RBPMS: variants seen among roughly 807,000 people sequenced by gnomAD.
The protein encoded by RBPMS is RNA binding protein, mRNA processing factor.
In RBPMS, 7 loss-of-function variants were observed where a neutral mutation model predicts 26.8. That is an observed-to-expected ratio of 0.26 (90% CI 0.15 to 0.49). RBPMS has a LOEUF of 0.49. Ranked by LOEUF, RBPMS falls within the 20% of genes least tolerant of loss-of-function variation. The pLI is 0.98. For missense variants in RBPMS, 186 were observed against 250.0 expected, an observed-to-expected ratio of 0.74 and a Z score of 1.73; for synonymous variants, 96 against 93.3, an observed-to-expected ratio of 1.03 and a Z score of -0.17.
At chr8:30,532,532 T>G (rs1027864248) in intron 5 of RBPMS, among the ~76,000 whole-genome samples, 2 of 152,196 alleles carry the variant, frequency 1.3e-5, no homozygotes, top group Non-Finnish European at 2.9e-5. Flanking sequence ...TGGCAGAGAT[T>G]AGGTAAGTTA....
At position 30,555,913 on chromosome 8, in the gene RBPMS, C is replaced by G. The variant is rs558441286; in HGVS notation, c.529-2974C>G. ...TAGCGCGGAGCAGCTTGTTCCCCCC[C>G]ACCGGGCCGGCTGCCCGAACTCTGC... On this transcript the variant is annotated intron_variant, in intron 6 of 8. Coordinates refer to ENST00000397323, the MANE Select transcript of RBPMS (RefSeq NM_001008710.3). 1.4e-4 allele frequency: 140 copies of G among 984,644 alleles called. 1 individual carries two copies. The highest frequency in any genetic ancestry group is 1.2e-4 in the Admixed American group (2 of 16,242). 61.0% of individuals were successfully genotyped at this position (984,644 alleles called of 1,614,324 possible).
intron 1 of RBPMS, among the ~76,000 whole-genome samples, chr8:30,448,374 A>T (rs1814129358): frequency 6.6e-6 from 1 of 152,160 alleles, no homozygotes; most frequent in Non-Finnish European, 1.5e-5. Context: ...GATGCATTCC[A>T]AGTATGTGTT....
chr8:30,549,825 TCTTTTC>T (rs1826200990), intron 6 of RBPMS, among the ~76,000 whole-genome samples: 2 of 138,982 alleles, frequency 1.4e-5, no homozygotes, highest in African/African-American at 5.8e-5. Context: ...TCTCTCTCTC[TCTTTTC>T]TTTCTTTTCT....
chr8:30,549,398 G>T, intron 6 of RBPMS: 1 of 955,750 alleles, frequency 1.0e-6, no homozygotes. Flanking sequence ...AAGGACTGCA[G>T]AGCTTGCCTT....
At chr8:30,407,748 C>T (rs1023272002) in intron 1 of RBPMS, among the ~76,000 whole-genome samples, 7 of 64,296 alleles carry the variant, frequency 1.1e-4, no homozygotes, top group African/African-American at 4.5e-4. Flanking sequence ...TAGCTATCCA[C>T]CACTGCTCCT....
intron 6 of RBPMS, chr8:30,544,919 C>T: frequency 6.8e-7 from 1 of 1,479,008 alleles, no homozygotes; most frequent in African/African-American, 1.4e-5. Context: ...ACCTGGCTCC[C>T]AGCTAGCTAG....
rs538232222 is a variant in RBPMS at position 30,518,274 on chromosome 8, G to A, written c.397+13838G>A. ...ACAGGTTAACTGGATCCTGCTTATG[G>A]TCCCACATGGCTGAAATAAGTGTGT... On this transcript the variant is annotated intron_variant, in intron 5 of 8. Coordinates refer to ENST00000397323, the MANE Select transcript of RBPMS (RefSeq NM_001008710.3). Among the ~76,000 whole-genome samples, 3 of 152,220 alleles carry A rather than the reference G, an allele frequency of 2.0e-5. No individual in the cohort carries two copies. The East Asian group carries it at 5.8e-4, about 29-fold the overall frequency.
chr8:30,436,422 C>A (rs559079711), intron 1 of RBPMS, among the ~76,000 whole-genome samples: 2 of 152,262 alleles, frequency 1.3e-5, no homozygotes, highest in Admixed American at 6.5e-5. Flanking sequence ...TCTCTTGAGC[C>A]TTGCTTTTTT....
At chr8:30,521,520 A>T (rs760011717) in intron 5 of RBPMS, among the ~76,000 whole-genome samples, 1 of 152,212 alleles carries the variant, frequency 6.6e-6, no homozygotes, top group Non-Finnish European at 1.5e-5. Flanking sequence ...GAAACGTAGT[A>T]GGCTCTTGGT....
At chr8:30,443,454 C>T (rs1563323006) in intron 1 of RBPMS, among the ~76,000 whole-genome samples, 4 of 152,168 alleles carry the variant, frequency 2.6e-5, no homozygotes, top group Admixed American at 2.6e-4. Context: ...GGACAGGTTC[C>T]TTAACCCTTA....
chr8:30,444,653 A>G lies in RBPMS; in HGVS notation c.67-30126A>G, dbSNP rs531531935. On this transcript the variant is annotated intron_variant, in intron 1 of 8. Transcript: ENST00000397323. ...ATAAGTATCTGTGTGTATTTTTCGC[A>G]TATTATCTCATTTGGGTTTCAGGTC... The G allele has an allele frequency of 5.3e-5, 8 of 152,330 alleles. No individual in the cohort carries two copies. The South Asian group carries it at 1.5e-3, about 28-fold the overall frequency. The allele number at this position is 152,330 out of a possible 1,614,324, so 9.4% of individuals were successfully genotyped here. A position where few individuals can be genotyped will look rare whatever the true frequency, so the allele number is the denominator to read the frequency against.
chr8:30,533,108 G>T (rs1229340929), intron 5 of RBPMS, among the ~76,000 whole-genome samples: 4 of 152,142 alleles, frequency 2.6e-5, no homozygotes, highest in African/African-American at 9.7e-5. Flanking sequence ...ATTCATGCTG[G>T]TCATAACTTC....
intron 4 of RBPMS, among the ~76,000 whole-genome samples, chr8:30,484,036 A>G (rs1239776724): frequency 6.6e-6 from 1 of 152,176 alleles, no homozygotes; most frequent in Non-Finnish European, 1.5e-5. Flanking sequence ...GCTATTGCGA[A>G]TAAGGCTGCA....
In RBPMS at chr8:30,449,494, C is replaced by T. The variant is rs188015805; in HGVS notation, c.67-25285C>T. Among the ~76,000 whole-genome samples the T allele has an allele frequency of 6.7e-3, 1,024 of 151,932 alleles. 11 individuals carry two copies. The highest frequency in any genetic ancestry group is 0.023 in the African/African-American group (969 of 41,428). On this transcript the variant is annotated intron_variant, in intron 1 of 8. Coordinates refer to ENST00000397323, the MANE Select transcript of RBPMS (RefSeq NM_001008710.3). Reference sequence around the variant, plus strand: ...AAGCAATTCCCCCTGCCTCAGCCTCCGGAGTAGCTGGGATTATAGGCACCC... The same window carrying T: ...AAGCAATTCCCCCTGCCTCAGCCTCTGGAGTAGCTGGGATTATAGGCACCC...
intron 1 of RBPMS, among the ~76,000 whole-genome samples, chr8:30,452,862 T>C (rs1814751430): frequency 6.6e-6 from 1 of 152,246 alleles, no homozygotes; most frequent in Admixed American, 6.5e-5. Context: ...TAATAGTTAC[T>C]GTTTGCTAGT....
chr8:30,564,189 TCAC>T (rs1827722911), intron 7 of RBPMS: 1 of 152,174 alleles, frequency 6.6e-6, no homozygotes, highest in South Asian at 2.1e-4. Context: ...ACCTAGAACT[TCAC>T]CAGCTTTATA....
chr8:30,544,689 C>T (rs745806262), intron 6 of RBPMS, 65 bp downstream of exon 6: 77 of 1,607,226 alleles, frequency 4.8e-5, no homozygotes, highest in Middle Eastern at 1.6e-4. Flanking sequence ...ACTTGGTTCC[C>T]GAGAGCACAC....
intron 1 of RBPMS, among the ~76,000 whole-genome samples, chr8:30,421,755 G>T (rs1810815254): frequency 3.9e-5 from 6 of 152,136 alleles, no homozygotes; most frequent in Admixed American, 3.9e-4. Flanking sequence ...AAGAGATCGA[G>T]ACCATCCTGG....
chr8:30,554,457 C>T (rs1240987405), intron 6 of RBPMS, among the ~76,000 whole-genome samples: 1 of 152,178 alleles, frequency 6.6e-6, no homozygotes, highest in Admixed American at 6.5e-5. Context: ...TTCTTGGAGC[C>T]ATTACTGTGC....
Sources: allele counts gnomAD v4.1 joint callset (sites outside exome capture counted in the v4.1 genomes callset), GRCh38; gene constraint gnomAD v4.1.1; transcripts MANE v1.5; gene names NCBI Gene and HGNC (gene_info 2026-07-23, HGNC 2026-07-21).